The following SPTLC3 variants were observed in gnomAD, a reference collection of about 807,000 sequenced individuals.
SPTLC3 encodes the protein serine palmitoyltransferase long chain base subunit 3.
SPTLC3 carries 36 observed loss-of-function variants against 59.3 expected under a neutral mutation model. The observed-to-expected ratio is 0.61, with a 90% CI of 0.47 to 0.80. The LOEUF (loss-of-function observed/expected upper bound fraction) is 0.80. Among genes scored for constraint, SPTLC3 ranks in the 30% least tolerant of loss-of-function variants. The probability of loss-of-function intolerance (pLI) is 0.00; values close to 1 mark genes in which losing one functional copy is unlikely to be tolerated. For missense variants in SPTLC3, 625 were observed against 685.1 expected, an observed-to-expected ratio of 0.91 and a Z score of 0.98; for synonymous variants, 257 against 240.8, an observed-to-expected ratio of 1.07 and a Z score of -0.62.
intron 7 of SPTLC3, among the ~76,000 whole-genome samples, chr20:13,116,163 T>A (rs11908209): frequency 0.08 from 12,106 of 151,898 alleles, 803 homozygotes; most frequent in African/African-American, 0.18. Context: ...TCTGGGTGAC[T>A]GTGCACACAG....
At chr20:13,147,520 C>G (rs541222274) in intron 9 of SPTLC3, among the ~76,000 whole-genome samples, 6 of 152,246 alleles carry the variant, frequency 3.9e-5, no homozygotes, top group Admixed American at 1.3e-4. Context: ...CCCTCTGCCC[C>G]CTTGCCAAGC....
At chr20:13,146,200 T>G (rs963437497) in intron 9 of SPTLC3, among the ~76,000 whole-genome samples, 1 of 152,180 alleles carries the variant, frequency 6.6e-6, no homozygotes, top group Non-Finnish European at 1.5e-5. Context: ...CCACATGTTC[T>G]TACTTATAGG....
At chr20:13,082,665 A>C (rs2122599620) in intron 4 of SPTLC3, among the ~76,000 whole-genome samples, 1 of 152,302 alleles carries the variant, frequency 6.6e-6, no homozygotes, top group Non-Finnish European at 1.5e-5. Flanking sequence ...CTCTATCAAA[A>C]GTTTGCTGAT....
intron 6 of SPTLC3, among the ~76,000 whole-genome samples, chr20:13,104,250 C>T (rs528219176): frequency 1.1e-4 from 16 of 152,172 alleles, no homozygotes; most frequent in South Asian, 4.1e-4. Context: ...TGTGTCCCCA[C>T]CCAAATCTCA....
At chr20:13,072,551 T>C (rs1988483892) in intron 3 of SPTLC3, 141 bp downstream of exon 3, 22 of 906,324 alleles carry the variant, frequency 2.4e-5, no homozygotes, top group African/African-American at 3.4e-5. Context: ...CAAGCCCTCC[T>C]GATGCCAGGG....
chr20:13,045,033 A>ACC (rs1568575903), intron 1 of SPTLC3, among the ~76,000 whole-genome samples: 2 of 118,452 alleles, frequency 1.7e-5, no homozygotes, highest in African/African-American at 5.8e-5. Context: ...ACACACACAC[A>ACC]CACCCTACTG....
intron 2 of SPTLC3, among the ~76,000 whole-genome samples, chr20:13,055,676 GAAAAA>G (rs900217197): frequency 1.3e-5 from 2 of 151,826 alleles, no homozygotes; most frequent in Admixed American, 1.3e-4. Context: ...ATTTTATCAG[GAAAAA>G]AAATACACAT....
At chr20:13,112,780 T>A (rs960726796) in intron 7 of SPTLC3, among the ~76,000 whole-genome samples, 1 of 152,320 alleles carries the variant, frequency 6.6e-6, no homozygotes, top group African/African-American at 2.4e-5. Context: ...CTTGGGGGCT[T>A]CAATTTCCTC....
At chr20:13,132,311 G>C (rs993754946) in intron 9 of SPTLC3, among the ~76,000 whole-genome samples, 2 of 151,314 alleles carry the variant, frequency 1.3e-5, no homozygotes, top group African/African-American at 2.4e-5. Context: ...TGAGTAGCTG[G>C]GACTACAGGA....
intron 1 of SPTLC3, among the ~76,000 whole-genome samples, chr20:13,041,547 T>C (rs981054635): frequency 7.2e-5 from 11 of 152,178 alleles, no homozygotes; most frequent in African/African-American, 2.4e-4. Context: ...CTTTAGTTCT[T>C]TATATATATT....
At chr20:13,059,576 G>A (rs1457385295) in intron 2 of SPTLC3, among the ~76,000 whole-genome samples, 1 of 152,140 alleles carries the variant, frequency 6.6e-6, no homozygotes, top group Non-Finnish European at 1.5e-5. Context: ...GCCCATCTGT[G>A]CTTTATTGTG....
chr20:13,072,603 C>CT (rs1177754053), intron 3 of SPTLC3, among the ~76,000 whole-genome samples, 193 bp downstream of exon 3: 3 of 152,128 alleles, frequency 2.0e-5, no homozygotes, highest in Non-Finnish European at 4.4e-5. Flanking sequence ...GCCAGAGTGG[C>CT]TTTTTTGTAT....
At chr20:13,140,900 T>G (rs1251499809) in intron 9 of SPTLC3, among the ~76,000 whole-genome samples, 4 of 152,216 alleles carry the variant, frequency 2.6e-5, no homozygotes, top group Non-Finnish European at 5.9e-5. Flanking sequence ...TTGTGAAATT[T>G]TATCATGAGA....
chr20:13,100,606 G>C (rs1469590885), intron 6 of SPTLC3, among the ~76,000 whole-genome samples: 3 of 152,250 alleles, frequency 2.0e-5, no homozygotes. Context: ...CTGAGTACCA[G>C]AATCTTTTAT....
At chr20:13,150,897 T>A (rs1454151201) in intron 9 of SPTLC3, among the ~76,000 whole-genome samples, 1 of 152,214 alleles carries the variant, frequency 6.6e-6, no homozygotes, top group Non-Finnish European at 1.5e-5. Context: ...CTTTGTTCAT[T>A]CATCATTTAT....
chr20:13,072,490 C>A, intron 3 of SPTLC3, 80 bp downstream of exon 3: 4 of 1,393,116 alleles, frequency 2.9e-6, no homozygotes, highest in Non-Finnish European at 2.9e-6. Flanking sequence ...GATGACAAAT[C>A]CAAAAAAACA....
At chr20:13,075,091 A>G (rs1345329299) in intron 4 of SPTLC3, among the ~76,000 whole-genome samples, 1 of 151,850 alleles carries the variant, frequency 6.6e-6, no homozygotes, top group African/African-American at 2.4e-5. Flanking sequence ...GTGCTTTTCA[A>G]TTCTTGGCAT....
intron 7 of SPTLC3, 31 bp from the exon 8 acceptor site, chr20:13,117,475 T>C (rs1990624072): frequency 1.3e-6 from 2 of 1,535,346 alleles, no homozygotes; most frequent in South Asian, 2.6e-5. Flanking sequence ...AGGGTATTTG[T>C]TAGTTATGAG....
intron 6 of SPTLC3, among the ~76,000 whole-genome samples, chr20:13,094,724 A>G (rs1989352831): frequency 6.6e-6 from 1 of 152,208 alleles, no homozygotes; most frequent in Non-Finnish European, 1.5e-5. Context: ...AGAGTTGTTC[A>G]AATGAAAAAT....
Sources: gnomAD v4.1 joint callset for allele counts (sites outside exome capture counted in the v4.1 genomes callset) on GRCh38, gnomAD v4.1.1 for gene constraint, MANE v1.5 for transcripts, NCBI Gene and HGNC (gene_info 2026-07-23, HGNC 2026-07-21) for gene names.